Variants in IQCB1 observed in about 807,000 individuals in gnomAD.
The protein encoded by IQCB1 is IQ calmodulin-binding motif-containing protein 1.
In IQCB1, 56 loss-of-function variants were observed where a neutral mutation model predicts 84.4. The ratio of observed to expected loss-of-function variants is 0.66; its 90% CI spans 0.54 to 0.83. The LOEUF is 0.83. IQCB1 is among the 40% of genes least tolerant of loss of function. IQCB1 has a pLI of 0.00. For synonymous variants in IQCB1, 210 were observed against 234.8 expected (o/e 0.89, Z 0.96); for missense variants, 629 against 682.1 (o/e 0.92, Z 0.87).
intron 11 of IQCB1, 100 bp from the exon 12 acceptor site, chr3:121,788,532 T>C: frequency 8.7e-7 from 1 of 1,146,428 alleles, no homozygotes; most frequent in Non-Finnish European, 1.3e-6. Context: ...TTCTTTTTAT[T>C]TTTGTCAATA....
intron 2 of IQCB1, among the ~76,000 whole-genome samples, chr3:121,833,129 G>C (rs569183770): frequency 1.3e-5 from 2 of 152,186 alleles, no homozygotes; most frequent in African/African-American, 2.4e-5. Context: ...GATTAAATGA[G>C]TTAATACATG....
chr3:121,781,666 A>C, intron 13 of IQCB1, 77 bp downstream of exon 13: 6 of 1,115,852 alleles, frequency 5.4e-6, no homozygotes, highest in Non-Finnish European at 8.1e-6. Flanking sequence ...CACACACAAT[A>C]TATGTGTGTG....
intron 8 of IQCB1, among the ~76,000 whole-genome samples, chr3:121,798,628 T>C (rs1354751056): frequency 1.3e-5 from 2 of 151,960 alleles, no homozygotes; most frequent in African/African-American, 4.8e-5. Context: ...GTATATGGAA[T>C]GTGCCTGACA....
At chr3:121,772,853 C>T in intron 13 of IQCB1, 140 bp from the exon 14 acceptor site, 1 of 763,926 alleles carries the variant, frequency 1.3e-6, no homozygotes, top group Non-Finnish European at 2.2e-6. Context: ...ATCTTGTACT[C>T]TTATGCAAGT....
At chr3:121,805,642 A>C (rs1162597741) in intron 7 of IQCB1, among the ~76,000 whole-genome samples, 1 of 152,108 alleles carries the variant, frequency 6.6e-6, no homozygotes, top group African/African-American at 2.4e-5. Flanking sequence ...TGAACACTCT[A>C]CCCAATGACG....
At chr3:121,828,771 G>T in intron 3 of IQCB1, 90 bp downstream of exon 3, 3 of 1,041,654 alleles carry the variant, frequency 2.9e-6, no homozygotes, top group Non-Finnish European at 4.5e-6. Flanking sequence ...AGACCTCTCT[G>T]AACAAATTTA....
At chr3:121,810,431 T>C (rs962642560) in intron 5 of IQCB1, among the ~76,000 whole-genome samples, 1 of 152,098 alleles carries the variant, frequency 6.6e-6, no homozygotes, top group East Asian at 1.9e-4. Flanking sequence ...GCCAATTAAT[T>C]CTTGGATAAC....
At chr3:121,811,121 G>A (rs149870126) in intron 5 of IQCB1, among the ~76,000 whole-genome samples, 28 of 152,230 alleles carry the variant, frequency 1.8e-4, no homozygotes, top group African/African-American at 5.5e-4. Flanking sequence ...GACAATGGGC[G>A]CAGCCCACAG....
At chr3:121,791,477 T>A (rs558538220) in intron 10 of IQCB1, among the ~76,000 whole-genome samples, 1 of 152,354 alleles carries the variant, frequency 6.6e-6, no homozygotes, top group South Asian at 2.1e-4. Context: ...GTTTTGAAAC[T>A]TCTTTCTTAT....
intron 13 of IQCB1, among the ~76,000 whole-genome samples, chr3:121,776,640 G>A (rs1465033614): frequency 6.6e-6 from 1 of 152,120 alleles, no homozygotes; most frequent in African/African-American, 2.4e-5. Context: ...AAACTGTTGG[G>A]CTGAAGCAAT....
intron 2 of IQCB1, among the ~76,000 whole-genome samples, chr3:121,829,264 T>C (rs1950554936): frequency 6.6e-6 from 1 of 152,186 alleles, no homozygotes; most frequent in South Asian, 2.1e-4. Flanking sequence ...CTCTCTCTAA[T>C]CTGCACAATA....
At chr3:121,811,511 C>G (rs762973085) in intron 5 of IQCB1, among the ~76,000 whole-genome samples, 1 of 152,170 alleles carries the variant, frequency 6.6e-6, no homozygotes, top group Admixed American at 6.5e-5. Flanking sequence ...AGCTAAGAAC[C>G]ATTGCCTTGA....
rs1950685695 is a variant in IQCB1, at chr3:121,832,598, A to C, written c.-13+1793T>G. 3.3e-5 allele frequency among the ~76,000 whole-genome samples: 5 copies of C among 152,226 alleles called. No homozygotes were observed. In the South Asian group the frequency reaches 1.0e-3, roughly 32 times the overall value. Reference sequence around the variant, plus strand: ...CACTTCGGCCTCCCAAAGTGCTGGGATTACAGGCATGAGCCACAGCGCCCA... The same window carrying C: ...CACTTCGGCCTCCCAAAGTGCTGGGCTTACAGGCATGAGCCACAGCGCCCA... On this transcript the variant is annotated intron_variant, in intron 2 of 14. Transcript: ENST00000310864.
intron 12 of IQCB1, among the ~76,000 whole-genome samples, chr3:121,782,770 G>A (rs1271757816): frequency 6.6e-6 from 1 of 151,460 alleles, no homozygotes; most frequent in East Asian, 1.9e-4. Flanking sequence ...CCTCCACCCC[G>A]CCAGGTTCAA....
chr3:121,778,533 C>CT (rs34279594), intron 13 of IQCB1, among the ~76,000 whole-genome samples: 97,378 of 148,648 alleles, frequency 0.66, 32,213 homozygotes, highest in African/African-American at 0.76. Context: ...CTGAAAAAGT[C>CT]TTTTTTTTTT....
intron 14 of IQCB1, among the ~76,000 whole-genome samples, chr3:121,770,864 A>T (rs1576525184): frequency 6.6e-6 from 1 of 151,934 alleles, no homozygotes; most frequent in East Asian, 1.9e-4. Flanking sequence ...TTTTGTAGAG[A>T]TCTCACTATG....
In IQCB1 at chr3:121,828,566, T is replaced by C; in HGVS notation, c.167A>G (p.Tyr56Cys). 6.3e-7 allele frequency: 1 copy of C among 1,597,784 alleles called. No homozygotes were observed. Among genetic ancestry groups the C allele is most frequent in the South Asian group, 1.1e-5 (1 of 90,788 alleles). The change falls in exon 4 of 15, where the codon TAT becomes TGT. Residue 56 changes from tyrosine to cysteine, a missense_variant. Physicochemically the swap from Tyr to Cys is radical, Grantham distance 194. Coordinates refer to ENST00000310864, the MANE Select transcript of IQCB1 (RefSeq NM_001023570.4). The stretch of plus-strand genomic sequence containing the variant: ...CAAGAGGCAATATTGAATGAGATCA[T>C]AACAATATATATCTTGTTTGATTTT... Reference protein sequence around the residue: ...LKKIKQDIYCYDLIQYCLLVL... With the variant: ...LKKIKQDIYCCDLIQYCLLVL...
chr3:121,823,841 A>C (rs1950357927), intron 5 of IQCB1, among the ~76,000 whole-genome samples: 2 of 152,244 alleles, frequency 1.3e-5, no homozygotes, highest in African/African-American at 4.8e-5. Flanking sequence ...ATTATTGAAA[A>C]GTCAATACAC....
At chr3:121,829,997 A>G (rs1950579626) in intron 2 of IQCB1, among the ~76,000 whole-genome samples, 1 of 152,162 alleles carries the variant, frequency 6.6e-6, no homozygotes, top group Non-Finnish European at 1.5e-5. Flanking sequence ...ACTTGCGGTC[A>G]GGAGTTCAAG....
Sources: allele counts gnomAD v4.1 joint callset (sites outside exome capture counted in the v4.1 genomes callset), GRCh38; gene constraint gnomAD v4.1.1; transcripts MANE v1.5; gene names NCBI Gene and HGNC (gene_info 2026-07-23, HGNC 2026-07-21).